ROBO2: variants seen among roughly 807,000 people sequenced by gnomAD.
The protein encoded by ROBO2 is roundabout guidance receptor 2.
ROBO2 carries 53 observed loss-of-function variants against 160.8 expected under a neutral mutation model. The observed-to-expected ratio is 0.33, with a 90% CI of 0.26 to 0.41. The LOEUF (loss-of-function observed/expected upper bound fraction) is 0.41. Ranked by LOEUF, ROBO2 falls within the 10% of genes least tolerant of loss-of-function variation. The probability of loss-of-function intolerance (pLI) is 1.00; values close to 1 mark genes in which losing one functional copy is unlikely to be tolerated. For synonymous variants in ROBO2, 664 were observed against 611.7 expected (o/e 1.09, Z -1.26); for missense variants, 1,577 against 1,722.4 (o/e 0.92, Z 1.49).
chr3:77,240,622 G>T (rs1168203961), intron 2 of ROBO2, among the ~76,000 whole-genome samples: 1 of 152,216 alleles, frequency 6.6e-6, no homozygotes, highest in African/African-American at 2.4e-5. Flanking sequence ...AGGGCCACCA[G>T]CACGTTGTCA....
intron 2 of ROBO2, among the ~76,000 whole-genome samples, chr3:76,149,434 G>C (rs969427723): frequency 2.6e-5 from 4 of 152,100 alleles, no homozygotes; most frequent in Non-Finnish European, 5.9e-5. Flanking sequence ...CTTTGCGCTT[G>C]CTGTCACTCC....
At chr3:76,047,546 T>A (rs2067491318) in intron 2 of ROBO2, among the ~76,000 whole-genome samples, 1 of 152,328 alleles carries the variant, frequency 6.6e-6, no homozygotes, top group South Asian at 2.1e-4. Flanking sequence ...AGGATCTGGA[T>A]CTCTGGTCTG....
chr3:76,338,814 A>T (rs2074047898), intron 2 of ROBO2, among the ~76,000 whole-genome samples: 1 of 151,636 alleles, frequency 6.6e-6, no homozygotes, highest in South Asian at 2.1e-4. Flanking sequence ...TTGACAATGA[A>T]GTTGAACCAC....
At chr3:77,465,568 A>T (rs957992007) in intron 2 of ROBO2, among the ~76,000 whole-genome samples, 5 of 152,178 alleles carry the variant, frequency 3.3e-5, no homozygotes, top group Non-Finnish European at 5.9e-5. Flanking sequence ...AGGTGACTCC[A>T]GTGTGTATCA....
intron 2 of ROBO2, among the ~76,000 whole-genome samples, chr3:76,282,002 T>C (rs914100824): frequency 6.6e-6 from 1 of 152,038 alleles, no homozygotes; most frequent in Non-Finnish European, 1.5e-5. Flanking sequence ...AAGATAAGAC[T>C]TTAAAGTTAC....
At chr3:76,598,900 G>A (rs1318306215) in intron 2 of ROBO2, among the ~76,000 whole-genome samples, 1 of 152,118 alleles carries the variant, frequency 6.6e-6, no homozygotes, top group Non-Finnish European at 1.5e-5. Context: ...TACTAAGAAA[G>A]TATATAATAA....
intron 2 of ROBO2, among the ~76,000 whole-genome samples, chr3:77,291,978 G>A (rs1223856642): frequency 1.3e-5 from 2 of 151,650 alleles, no homozygotes; most frequent in Non-Finnish European, 2.9e-5. Flanking sequence ...CAGACATAAA[G>A]TAAAATTGAT....
chr3:77,561,136 TA>T (rs2093308948), intron 9 of ROBO2, among the ~76,000 whole-genome samples: 1 of 152,186 alleles, frequency 6.6e-6, no homozygotes, highest in Admixed American at 6.6e-5. Flanking sequence ...TAATGGCATT[TA>T]AAATCAATTA....
chr3:76,081,095 G>A (rs1267200717), intron 2 of ROBO2, among the ~76,000 whole-genome samples: 3 of 151,812 alleles, frequency 2.0e-5, no homozygotes, highest in Admixed American at 2.0e-4. Context: ...GTTACTTTGA[G>A]GGAAAATTCA....
At chr3:77,462,237 G>A (rs2082320467) in intron 2 of ROBO2, among the ~76,000 whole-genome samples, 1 of 152,040 alleles carries the variant, frequency 6.6e-6, no homozygotes, top group African/African-American at 2.4e-5. Context: ...TTCTGTTGAG[G>A]CACTGAAAGG....
chr3:77,444,155 T>C (rs371591809), intron 2 of ROBO2, among the ~76,000 whole-genome samples: 2 of 152,196 alleles, frequency 1.3e-5, no homozygotes, highest in Admixed American at 1.3e-4. Context: ...AAGAATACTA[T>C]GGAATAGCAT....
chr3:77,494,066 G>T (rs1020771443), intron 5 of ROBO2, among the ~76,000 whole-genome samples: 6 of 152,090 alleles, frequency 3.9e-5, no homozygotes, highest in Non-Finnish European at 8.8e-5. Flanking sequence ...TTGACTTGTT[G>T]TTATAGAAAT....
chr3:77,044,475 T>G (rs1487550789), intron 1 of ROBO2, among the ~76,000 whole-genome samples: 1 of 152,172 alleles, frequency 6.6e-6, no homozygotes, highest in Non-Finnish European at 1.5e-5. Context: ...TCTCCTTTTT[T>G]TCCTCCTTCT....
At chr3:77,415,847 C>T (rs77599225) in intron 2 of ROBO2, among the ~76,000 whole-genome samples, 3,276 of 152,130 alleles carry the variant, frequency 0.022, 128 homozygotes, top group African/African-American at 0.074. Flanking sequence ...TTCTGCTGCC[C>T]GCAGTGCAGC....
chr3:76,361,269 A>G (rs1431480366), intron 2 of ROBO2, among the ~76,000 whole-genome samples: 2 of 152,078 alleles, frequency 1.3e-5, no homozygotes, highest in African/African-American at 4.8e-5. Flanking sequence ...TTCTTGTGGA[A>G]GATTTGTGGA....
chr3:77,294,132 C>T (rs186056258), intron 2 of ROBO2, among the ~76,000 whole-genome samples: 1,451 of 136,706 alleles, frequency 0.011, 139 homozygotes, highest in African/African-American at 0.037. Flanking sequence ...TCACCCCAGA[C>T]ATAAAGTAAA....
At chr3:77,542,733 G>A (rs1174507661) in intron 6 of ROBO2, among the ~76,000 whole-genome samples, 4 of 152,204 alleles carry the variant, frequency 2.6e-5, no homozygotes, top group Admixed American at 1.3e-4. Context: ...ATCTTTAGGT[G>A]CTACTAAAAA....
At chr3:76,194,746 A>G (rs1044924255) in intron 2 of ROBO2, among the ~76,000 whole-genome samples, 8 of 151,842 alleles carry the variant, frequency 5.3e-5, no homozygotes, top group Admixed American at 6.6e-5. Flanking sequence ...CAGCCTCCTG[A>G]GTAGCTGGGA....
rs12633352 is a variant in ROBO2, at chr3:77,545,953, T to C, written c.935-385T>C. On this transcript the variant is annotated intron_variant, in intron 6 of 25. Transcript: ENST00000461745. ...CCAATGCTTATAAATAAATTGACTTTAGAGGAAGGAGATGGTTGAGTAAGA... is the reference window on the plus strand; with the variant it reads ...CCAATGCTTATAAATAAATTGACTTCAGAGGAAGGAGATGGTTGAGTAAGA... 5.5e-4 allele frequency among the ~76,000 whole-genome samples: 83 copies of C among 152,218 alleles called. 1 individual carries two copies. In the East Asian group the frequency reaches 0.015, roughly 28 times the overall value.
Sources: allele counts gnomAD v4.1 joint callset (sites outside exome capture counted in the v4.1 genomes callset), GRCh38; gene constraint gnomAD v4.1.1; transcripts MANE v1.5; gene names NCBI Gene and HGNC (gene_info 2026-07-23, HGNC 2026-07-21).